The following CNTNAP2 variants were observed in gnomAD, a reference collection of about 807,000 sequenced individuals.
CNTNAP2 encodes the protein contactin associated protein 2, also known as contactin-associated protein-like 2.
CNTNAP2 carries 98 observed loss-of-function variants against 155.2 expected under a neutral mutation model. That is an observed-to-expected ratio of 0.63 (90% confidence interval 0.54 to 0.75). The LOEUF is 0.75. Ranked by LOEUF, CNTNAP2 falls within the 30% of genes least tolerant of loss-of-function variation. The pLI is 0.00. For missense variants in CNTNAP2, 1,727 were observed against 1,688.1 expected (o/e 1.02, Z -0.40); for synonymous variants, 651 against 631.2 (o/e 1.03, Z -0.47).
rs191623809 is a variant in CNTNAP2, at chr7:147,937,494, T to C, written c.2255+33773T>C. On this transcript the variant is annotated intron_variant, in intron 14 of 23. Transcript: ENST00000361727. ...CTGCAGGGTGCATGTCTACTAAGGA[T>C]ACTGCTCATCTGAACCCTCAGACTA... 1.5e-3 allele frequency among the ~76,000 whole-genome samples: 222 copies of C among 152,256 alleles called. 1 individual carries two copies. The highest frequency in any genetic ancestry group is 5.1e-3 in the African/African-American group (211 of 41,570).
At chr7:146,724,757 G>A (rs1801401606) in intron 1 of CNTNAP2, among the ~76,000 whole-genome samples, 1 of 151,536 alleles carries the variant, frequency 6.6e-6, no homozygotes, top group Non-Finnish European at 1.5e-5. Context: ...TTTTAGTAGC[G>A]ACAGCGTTTC....
intron 1 of CNTNAP2, among the ~76,000 whole-genome samples, chr7:146,671,867 G>A (rs1800314224): frequency 6.6e-6 from 1 of 151,174 alleles, no homozygotes; most frequent in East Asian, 1.9e-4. Context: ...CCAGACTGAA[G>A]TGCAATGTTG....
chr7:147,006,317 A>G (rs192244127), intron 3 of CNTNAP2, among the ~76,000 whole-genome samples: 2 of 152,180 alleles, frequency 1.3e-5, no homozygotes, highest in East Asian at 3.9e-4. Context: ...TGTCTTCTCA[A>G]TCCATAAGAT....
intron 7 of CNTNAP2, among the ~76,000 whole-genome samples, chr7:147,129,768 T>G (rs776304917): frequency 2.0e-5 from 3 of 152,148 alleles, no homozygotes; most frequent in Non-Finnish European, 4.4e-5. Flanking sequence ...AATCCCTGAA[T>G]GAATAAACAG....
chr7:146,772,861 T>C (rs1281015927), intron 1 of CNTNAP2, among the ~76,000 whole-genome samples: 1 of 152,034 alleles, frequency 6.6e-6, no homozygotes, highest in African/African-American at 2.4e-5. Flanking sequence ...GCATTTTGAG[T>C]ACAGCAGCCA....
chr7:146,351,334 G>C (rs541034656), intron 1 of CNTNAP2, among the ~76,000 whole-genome samples: 1 of 151,968 alleles, frequency 6.6e-6, no homozygotes, highest in African/African-American at 2.4e-5. Flanking sequence ...GTATTTTAAG[G>C]AAACAATGCA....
rs571906117 is a variant in CNTNAP2, at chr7:147,676,485, T to G, written c.2098+37179T>G. Among the ~76,000 whole-genome samples, 4 of 152,142 alleles carry G rather than the reference T, an allele frequency of 2.6e-5. No homozygotes were observed. The South Asian group carries it at 8.3e-4, about 32-fold the overall frequency. On this transcript the variant is annotated intron_variant, in intron 13 of 23. Coordinates refer to ENST00000361727, the MANE Select transcript of CNTNAP2 (RefSeq NM_014141.6). ...TGACTAGGTCTAGGTAACTAACATA[T>G]GCACTGCCTCGTATAGTTATCATTT...
intron 13 of CNTNAP2, among the ~76,000 whole-genome samples, chr7:147,894,835 G>T (rs1799750293): frequency 6.6e-6 from 1 of 151,846 alleles, no homozygotes; most frequent in Middle Eastern, 3.4e-3. Context: ...TCACAGGTAT[G>T]CACCTCATTT....
chr7:146,974,572 C>T (rs995882159), intron 3 of CNTNAP2, among the ~76,000 whole-genome samples: 12 of 152,060 alleles, frequency 7.9e-5, no homozygotes, highest in Non-Finnish European at 1.0e-4. Context: ...AGGTATGTGA[C>T]GACTTGTAGG....
At chr7:146,897,292 C>T (rs1026411215) in intron 3 of CNTNAP2, among the ~76,000 whole-genome samples, 3 of 152,088 alleles carry the variant, frequency 2.0e-5, no homozygotes, top group Admixed American at 6.6e-5. Context: ...CAACACATAT[C>T]AGAAGGCAGT....
At chr7:146,737,193 CATG>C (rs993656639) in intron 1 of CNTNAP2, among the ~76,000 whole-genome samples, 2 of 152,038 alleles carry the variant, frequency 1.3e-5, no homozygotes, top group African/African-American at 4.8e-5. Context: ...TTGTGTACAA[CATG>C]ATGTTTTGAT....
chr7:148,117,449 G>A (rs910509277), intron 15 of CNTNAP2, among the ~76,000 whole-genome samples: 26 of 152,342 alleles, frequency 1.7e-4, no homozygotes, highest in African/African-American at 4.8e-4. Context: ...CCTCCTCCAG[G>A]CTCCGTCAGT....
At chr7:146,795,067 A>G (rs1243855553) in intron 2 of CNTNAP2, among the ~76,000 whole-genome samples, 1 of 152,206 alleles carries the variant, frequency 6.6e-6, no homozygotes, top group African/African-American at 2.4e-5. Context: ...ATTTAAAGAA[A>G]AAACGCTAAT....
At chr7:147,398,443 A>C (rs1017812273) in intron 10 of CNTNAP2, among the ~76,000 whole-genome samples, 12 of 151,868 alleles carry the variant, frequency 7.9e-5, no homozygotes, top group African/African-American at 2.9e-4. Context: ...GGGTAAAAAA[A>C]ATAAAAGAGC....
chr7:146,726,168 T>C (rs1801427903), intron 1 of CNTNAP2, among the ~76,000 whole-genome samples: 1 of 152,170 alleles, frequency 6.6e-6, no homozygotes, highest in Non-Finnish European at 1.5e-5. Flanking sequence ...CAGTGTATCA[T>C]TGGTATAGAG....
At chr7:148,178,179 A>G (rs528585315) in intron 18 of CNTNAP2, among the ~76,000 whole-genome samples, 21 of 152,348 alleles carry the variant, frequency 1.4e-4, no homozygotes, top group African/African-American at 5.1e-4. Context: ...CTTATCATCA[A>G]GAGACACAAA....
chr7:148,049,237 G>T lies in CNTNAP2; in HGVS notation c.2384-68881G>T, dbSNP rs570739854. Among the ~76,000 whole-genome samples the T allele has an allele frequency of 7.9e-5, 12 of 152,120 alleles. No individual in the cohort carries two copies. The South Asian group carries it at 2.5e-3, about 32-fold the overall frequency. ...TCTCAAAAAATAGAAAAAATAAGTGGCTAAGTCAGTAGTGAAACTACGAAG... is the reference window on the plus strand; with the variant it reads ...TCTCAAAAAATAGAAAAAATAAGTGTCTAAGTCAGTAGTGAAACTACGAAG... On this transcript the variant is annotated intron_variant, in intron 15 of 23. Transcript: ENST00000361727.
At chr7:146,822,180 A>C (rs1354163940) in intron 2 of CNTNAP2, among the ~76,000 whole-genome samples, 1 of 152,112 alleles carries the variant, frequency 6.6e-6, no homozygotes, top group Non-Finnish European at 1.5e-5. Context: ...AGGGACATGG[A>C]TGAAACTGGA....
rs57230385 is a variant in CNTNAP2 at position 146,273,214 on chromosome 7, CA to C, written c.97+156253del. ...TTTTTAGTATTAAATGCGTCACGTG[CA>C]AAAAAAAAAAACAACAAAAATCAGA... On this transcript the variant is annotated intron_variant, in intron 1 of 23. Coordinates refer to ENST00000361727, the MANE Select transcript of CNTNAP2 (RefSeq NM_014141.6). Among the ~76,000 whole-genome samples the C allele has an allele frequency of 8.8e-3, 896 of 101,820 alleles. 7 individuals carry two copies. Among genetic ancestry groups the C allele is most frequent in the African/African-American group, 0.028 (767 of 27,802 alleles). 66.8% of individuals were successfully genotyped at this position (101,820 alleles called of 152,430 possible).
Sources: allele counts gnomAD v4.1 joint callset (sites outside exome capture counted in the v4.1 genomes callset), GRCh38; gene constraint gnomAD v4.1.1; transcripts MANE v1.5; gene names NCBI Gene and HGNC (gene_info 2026-07-23, HGNC 2026-07-21).